FKBP5: variants seen among roughly 807,000 people sequenced by gnomAD.
The protein encoded by FKBP5 is FKBP prolyl isomerase 5.
FKBP5 carries 23 observed loss-of-function variants against 50.5 expected under a neutral mutation model. That is an observed-to-expected ratio of 0.46 (90% CI 0.33 to 0.65). The LOEUF (loss-of-function observed/expected upper bound fraction) is 0.65. FKBP5 is among the 30% of genes least tolerant of loss of function. The pLI is 0.02. For missense variants in FKBP5, 411 were observed against 553.1 expected (o/e 0.74, Z 2.58); for synonymous variants, 176 against 190.6 (o/e 0.92, Z 0.63).
At chr6:35,705,230 A>ATG (rs1766273890) in intron 2 of FKBP5, among the ~76,000 whole-genome samples, 2 of 3,338 alleles carry the variant, frequency 6.0e-4, no homozygotes, top group African/African-American at 3.4e-3. Context: ...ATATATATAT[A>ATG]TATATATATA....
intron 5 of FKBP5, among the ~76,000 whole-genome samples, chr6:35,603,699 C>CT (rs143199782): frequency 6.7e-6 from 1 of 150,206 alleles, no homozygotes; most frequent in Non-Finnish European, 1.5e-5. Flanking sequence ...TGTTTTCTTT[C>CT]TTTTTTTGAG....
chr6:35,591,205 CTCTCCAAAACCATA>C lies in FKBP5; in HGVS notation c.667_680del (p.Tyr223GlyfsTer5), dbSNP rs778226147. ...CAATGCCAAATTTAGGCTTCCCTGC[CTCTCCAAAACCATA>C]TCTGAAATGGAGAGTAAAAAATAAA... On this transcript the variant is annotated frameshift_variant and splice_region_variant, in exon 7 of 11. Transcript: ENST00000357266. LOFTEE classifies it high-confidence loss of function. 2 of 1,610,920 alleles carry C rather than the reference CTCTCCAAAACCATA, an allele frequency of 1.2e-6. No homozygotes were observed. The highest frequency in any genetic ancestry group is 1.1e-5 in the South Asian group (1 of 90,754).
chr6:35,605,446 A>T (rs1763283470), intron 5 of FKBP5, among the ~76,000 whole-genome samples: 1 of 114,782 alleles, frequency 8.7e-6, no homozygotes, highest in African/African-American at 3.4e-5. Flanking sequence ...CCCAGGCTGG[A>T]GTGCAGTGGT....
intron 2 of FKBP5, 130 bp downstream of exon 2, chr6:35,642,590 T>A: frequency 1.7e-6 from 1 of 592,864 alleles, no homozygotes; most frequent in Non-Finnish European, 2.9e-6. Context: ...AAAATGAGAA[T>A]CTAGCTCTAG....
At chr6:35,722,762 C>G (rs1451121237) in intron 1 of FKBP5, among the ~76,000 whole-genome samples, 1 of 152,232 alleles carries the variant, frequency 6.6e-6, no homozygotes. Flanking sequence ...ACCTTCTGCT[C>G]TGGCCACACC....
rs192979490 is a variant in FKBP5 at position 35,602,169 on chromosome 6, G to A, written c.509-4765C>T. Among the ~76,000 whole-genome samples the A allele has an allele frequency of 1.7e-3, 259 of 152,180 alleles. 1 individual carries two copies. The highest frequency in any genetic ancestry group is 0.017 in the Middle Eastern group (5 of 294). ...CCGATTAAAATAGGGGGGAAAAAAG[G>A]AAAGAGAGTGCACAGCAGTAACAAA... On this transcript the variant is annotated intron_variant, in intron 5 of 10. Transcript: ENST00000357266.
At chr6:35,724,029 T>C (rs1766658885) in intron 1 of FKBP5, among the ~76,000 whole-genome samples, 1 of 152,248 alleles carries the variant, frequency 6.6e-6, no homozygotes, top group Non-Finnish European at 1.5e-5. Flanking sequence ...TTTAGAGGCA[T>C]ATTAAGATCA....
At chr6:35,709,167 G>C (rs1444085403) in intron 2 of FKBP5, among the ~76,000 whole-genome samples, 2 of 152,138 alleles carry the variant, frequency 1.3e-5, no homozygotes, top group Non-Finnish European at 2.9e-5. Flanking sequence ...AGGCAAGGAG[G>C]AGCAAATCAC....
intron 1 of FKBP5, among the ~76,000 whole-genome samples, chr6:35,686,552 G>T (rs1248476662): frequency 6.6e-6 from 1 of 152,140 alleles, no homozygotes; most frequent in Non-Finnish European, 1.5e-5. Context: ...GTCTTATCCA[G>T]TTCCTTTCAA....
intron 8 of FKBP5, chr6:35,582,157 A>G: frequency 1.0e-6 from 1 of 983,322 alleles, no homozygotes; most frequent in Non-Finnish European, 1.2e-6. Context: ...CAAGTCACTC[A>G]CTTAGGAGAG....
chr6:35,615,602 T>C (rs986452932), intron 5 of FKBP5, among the ~76,000 whole-genome samples: 8 of 152,188 alleles, frequency 5.3e-5, no homozygotes, highest in Non-Finnish European at 7.3e-5. Context: ...TCCATAATGA[T>C]ATAAATAAAC....
At chr6:35,687,818 T>G (rs1424288209) in intron 1 of FKBP5, among the ~76,000 whole-genome samples, 1 of 152,202 alleles carries the variant, frequency 6.6e-6, no homozygotes, top group South Asian at 2.1e-4. Flanking sequence ...CGCTTACAAC[T>G]TGAAACTTAC....
At chr6:35,587,218 C>G in intron 7 of FKBP5, 101 bp from the exon 8 acceptor site, 1 of 1,024,028 alleles carries the variant, frequency 9.8e-7, no homozygotes, top group East Asian at 2.4e-5. Context: ...ATACTCCAAA[C>G]TGAAAACACT....
At chr6:35,671,360 C>T (rs1455166133) in intron 1 of FKBP5, among the ~76,000 whole-genome samples, 1 of 151,388 alleles carries the variant, frequency 6.6e-6, no homozygotes, top group Non-Finnish European at 1.5e-5. Flanking sequence ...AAAAATATAT[C>T]ATGAATTACA....
In FKBP5 at chr6:35,591,141, T is replaced by A; in HGVS notation, c.745A>T (p.Ser249Cys). ...TGGTATTTTCTCACCTTTTCGAAGC[T>A]CTTAAGTGTAACTTCATATATAAGC... ...AELIYEVTLK[S>C]FEKAKESWEM... is the part of the protein sequence containing the mutation. The change falls in exon 7 of 11, where the codon AGC becomes TGC. Residue 249 changes from serine (S) to cysteine (C), a missense_variant. Around this residue, in one of 3 missense-constraint regions of FKBP5, gnomAD observed 267 missense variants for 405.9 expected, o/e 0.66. Coordinates refer to ENST00000357266, the MANE Select transcript of FKBP5 (RefSeq NM_004117.4). 6.2e-7 allele frequency: 1 copy of A among 1,610,076 alleles called. No homozygotes were observed. The highest frequency in any genetic ancestry group is 8.5e-7 in the Non-Finnish European group (1 of 1,177,914).
intron 2 of FKBP5, among the ~76,000 whole-genome samples, chr6:35,641,219 G>A (rs1356353981): frequency 6.6e-6 from 1 of 152,168 alleles, no homozygotes. Context: ...CTGGCCTCAA[G>A]TGATCCTCTT....
chr6:35,687,249 AT>A (rs1765854217), intron 1 of FKBP5, among the ~76,000 whole-genome samples: 1 of 152,242 alleles, frequency 6.6e-6, no homozygotes, highest in Admixed American at 6.5e-5. Flanking sequence ...AATAATGAGT[AT>A]TAATAACCCT....
chr6:35,586,668 T>G (rs1400567657), intron 8 of FKBP5: 1 of 1,044,970 alleles, frequency 9.6e-7, no homozygotes, highest in South Asian at 4.4e-5. Flanking sequence ...TTCCATTCTT[T>G]GCTAACAATT....
At chr6:35,600,790 A>G (rs1763123573) in intron 5 of FKBP5, among the ~76,000 whole-genome samples, 1 of 152,184 alleles carries the variant, frequency 6.6e-6, no homozygotes, top group African/African-American at 2.4e-5. Context: ...GGAAATCCAG[A>G]GACTCTGCAA....
Sources: gnomAD v4.1 joint callset for allele counts (sites outside exome capture counted in the v4.1 genomes callset) on GRCh38, gnomAD v4.1.1 for gene constraint, gnomAD v4.1.1 regional missense constraint, MANE v1.5 for transcripts, NCBI Gene and HGNC (gene_info 2026-07-23, HGNC 2026-07-21) for gene names.